TIAM2: variants seen among roughly 807,000 people sequenced by gnomAD.
TIAM2 encodes rho guanine nucleotide exchange factor TIAM2.
TIAM2 carries 80 observed loss-of-function variants against 152.9 expected under a neutral mutation model. The observed-to-expected ratio is 0.52, with a 90% CI of 0.44 to 0.63. The LOEUF is 0.63. TIAM2 is among the 30% of genes least tolerant of loss of function. The pLI is 0.00. For missense variants in TIAM2, 1,965 were observed against 2,120.1 expected (o/e 0.93, Z 1.44); for synonymous variants, 804 against 838.0 (o/e 0.96, Z 0.70).
chr6:155,026,306 A>G (rs547404132), intron 1 of TIAM2, among the ~76,000 whole-genome samples: 33 of 152,338 alleles, frequency 2.2e-4, no homozygotes, highest in African/African-American at 7.7e-4. Context: ...TTGATTCCTC[A>G]GCAAATACAG....
intron 1 of TIAM2, among the ~76,000 whole-genome samples, chr6:155,048,558 TG>T (rs1347831761): frequency 1.7e-5 from 2 of 116,454 alleles, no homozygotes; most frequent in African/African-American, 5.4e-5. Context: ...GAAGGGAGAA[TG>T]GGGGTCAGGG....
Position 155,183,327 on chromosome 6 carries a change from A to G in TIAM2, c.2891A>G (p.Lys964Arg), listed in dbSNP as rs770426142. ...LKQMEALFSE[K>R]SVGLTLIARP... Reference sequence around the variant, plus strand: ...CAGATGGAGGCCCTGTTTTCTGAGAAGAGCGTCGGACTCACTCTGATTGCC... The same window carrying G: ...CAGATGGAGGCCCTGTTTTCTGAGAGGAGCGTCGGACTCACTCTGATTGCC... Residue 964 changes from lysine (K) to arginine (R), a missense_variant, in exon 14 of 27, where the codon AAG (lysine) becomes AGG (arginine). Coordinates refer to ENST00000682666, the MANE Select transcript of TIAM2 (RefSeq NM_012454.4). 8 of 1,614,178 alleles carry G rather than the reference A, an allele frequency of 5.0e-6. No individual in the cohort carries two copies. The highest frequency in any genetic ancestry group is 6.8e-6 in the Non-Finnish European group (8 of 1,180,030).
chr6:155,205,572 G>A (rs987136683), intron 14 of TIAM2, among the ~76,000 whole-genome samples: 1 of 152,162 alleles, frequency 6.6e-6, no homozygotes, highest in African/African-American at 2.4e-5. Context: ...TTCTTGCCTA[G>A]TCTCTTGCTG....
chr6:155,117,557 C>T (rs957932919), intron 2 of TIAM2, among the ~76,000 whole-genome samples: 3 of 152,200 alleles, frequency 2.0e-5, no homozygotes, highest in Non-Finnish European at 2.9e-5. Flanking sequence ...ATTCTCCTGT[C>T]TCAGCCTCCC....
intron 1 of TIAM2, among the ~76,000 whole-genome samples, chr6:155,071,759 G>C (rs1353776089): frequency 2.6e-5 from 4 of 152,068 alleles, no homozygotes; most frequent in African/African-American, 7.2e-5. Context: ...AGCTGGGTGT[G>C]GTGGTGGATG....
Position 155,257,607 on chromosome 6 carries a change from AC to A in TIAM2, c.*487del. On this transcript the variant is annotated 3_prime_UTR_variant, in exon 27 of 27. Coordinates refer to ENST00000682666, the MANE Select transcript of TIAM2 (RefSeq NM_012454.4). ...ATAGATTGTAATAGATGCTGTTTATACTAAACATGTCATAACTATCTATACA... is the reference window on the plus strand; with the variant it reads ...ATAGATTGTAATAGATGCTGTTTATATAAACATGTCATAACTATCTATACA... 2 of 525,806 alleles carry A rather than the reference AC, an allele frequency of 3.8e-6. No individual in the cohort carries two copies. The highest frequency in any genetic ancestry group is 3.6e-5 in the Admixed American group (1 of 28,026). The allele number at this position is 525,806 out of a possible 1,614,324, so 32.6% of individuals were successfully genotyped here. A position where few individuals can be genotyped will look rare whatever the true frequency, so the allele number is the denominator to read the frequency against.
At chr6:155,058,870 T>A (rs1420953775) in intron 1 of TIAM2, among the ~76,000 whole-genome samples, 1 of 152,222 alleles carries the variant, frequency 6.6e-6, no homozygotes, top group African/African-American at 2.4e-5. Flanking sequence ...TACAATATGA[T>A]ACTAAGTGAT....
chr6:155,190,122 A>T (rs1781160863), intron 14 of TIAM2, among the ~76,000 whole-genome samples: 1 of 152,178 alleles, frequency 6.6e-6, no homozygotes, highest in African/African-American at 2.4e-5. Flanking sequence ...ACTAATGAAT[A>T]TTGTATTACT....
At chr6:155,110,984 A>G (rs1778834026) in intron 2 of TIAM2, among the ~76,000 whole-genome samples, 1 of 152,192 alleles carries the variant, frequency 6.6e-6, no homozygotes, top group Non-Finnish European at 1.5e-5. Flanking sequence ...CTATAGTCGC[A>G]GAATTGCTAG....
chr6:155,062,507 A>ATT (rs36009499), intron 1 of TIAM2, among the ~76,000 whole-genome samples: 53,913 of 150,570 alleles, frequency 0.36, 10,425 homozygotes, highest in Middle Eastern at 0.48. Flanking sequence ...ATTTTATTTT[A>ATT]TTATTTTTGT....
intron 6 of TIAM2, among the ~76,000 whole-genome samples, chr6:155,145,588 T>G (rs751867746): frequency 7.2e-5 from 11 of 152,198 alleles, no homozygotes; most frequent in Admixed American, 6.5e-4. Context: ...GGAAGTGAAG[T>G]GTGCTTCTTA....
chr6:155,132,444 G>C (rs935172745), intron 4 of TIAM2, among the ~76,000 whole-genome samples: 5 of 151,948 alleles, frequency 3.3e-5, no homozygotes, highest in Non-Finnish European at 7.4e-5. Context: ...CCTTCACACA[G>C]AGGTGAAGAA....
chr6:155,070,313 C>T (rs1472486841), intron 1 of TIAM2, among the ~76,000 whole-genome samples: 4 of 145,598 alleles, frequency 2.7e-5, no homozygotes, highest in African/African-American at 7.7e-5. Flanking sequence ...CTCTGCCTCC[C>T]GGGTTCAAAC....
chr6:155,131,221 G>A (rs778742346), intron 4 of TIAM2, among the ~76,000 whole-genome samples: 9 of 152,200 alleles, frequency 5.9e-5, no homozygotes, highest in South Asian at 2.1e-4. Flanking sequence ...TTAGCCTGGC[G>A]TGGTGGCGGG....
chr6:155,207,833 G>A (rs1781630248), intron 14 of TIAM2, among the ~76,000 whole-genome samples: 2 of 152,214 alleles, frequency 1.3e-5, no homozygotes, highest in Admixed American at 1.3e-4. Flanking sequence ...AAGTGAATGA[G>A]TACCTCCTTG....
chr6:155,007,776 C>G (rs1778424510), intron 1 of TIAM2, among the ~76,000 whole-genome samples: 1 of 152,154 alleles, frequency 6.6e-6, no homozygotes, highest in African/African-American at 2.4e-5. Flanking sequence ...GTCACTAAGT[C>G]AGACTGTCAT....
At chr6:155,082,748 G>T (rs1583181099) in intron 1 of TIAM2, among the ~76,000 whole-genome samples, 1 of 152,004 alleles carries the variant, frequency 6.6e-6, no homozygotes, top group African/African-American at 2.4e-5. Context: ...TGAATGGATA[G>T]ATATCATGTC....
intron 1 of TIAM2, among the ~76,000 whole-genome samples, chr6:155,032,787 C>A (rs1380765568): frequency 2.0e-5 from 3 of 152,162 alleles, no homozygotes; most frequent in African/African-American, 7.2e-5. Context: ...GTGATCCGCC[C>A]ACCTCGGCCT....
intron 1 of TIAM2, among the ~76,000 whole-genome samples, chr6:155,089,470 G>C (rs937728571): frequency 1.6e-4 from 25 of 152,298 alleles, no homozygotes; most frequent in African/African-American, 5.5e-4. Flanking sequence ...GCCTCCCAAA[G>C]TGCTGGGATT....
Sources: gnomAD v4.1 joint callset for allele counts (sites outside exome capture counted in the v4.1 genomes callset) on GRCh38, gnomAD v4.1.1 for gene constraint, MANE v1.5 for transcripts, NCBI Gene and HGNC (gene_info 2026-07-23, HGNC 2026-07-21) for gene names.